Variants in DIP2C observed in about 807,000 individuals in gnomAD.
DIP2C encodes the protein DIP2 acetate--CoA ligase C (putative), also known as disco-interacting protein 2 homolog C.
DIP2C carries 33 observed loss-of-function variants against 192.4 expected under a neutral mutation model. The ratio of observed to expected loss-of-function variants is 0.17; its 90% CI spans 0.13 to 0.23. The LOEUF is 0.23. DIP2C is among the 10% of genes least tolerant of loss of function. The pLI, the probability that DIP2C is intolerant of heterozygous loss-of-function variation, is 1.00. For missense variants in DIP2C, 1,537 were observed against 2,110.1 expected (o/e 0.73, Z 5.32); for synonymous variants, 979 against 864.1 (o/e 1.13, Z -2.33).
At chr10:379,438 C>A (rs1325576626) in intron 17 of DIP2C, among the ~76,000 whole-genome samples, 1 of 152,118 alleles carries the variant, frequency 6.6e-6, no homozygotes, top group South Asian at 2.1e-4. Context: ...TGAAGATACT[C>A]CACAGCCAGT....
intron 1 of DIP2C, among the ~76,000 whole-genome samples, chr10:599,445 A>G (rs1476859914): frequency 6.6e-6 from 1 of 152,192 alleles, no homozygotes; most frequent in Non-Finnish European, 1.5e-5. Context: ...CTGAACCCTT[A>G]CTAGACCAAG....
Position 608,302 on chromosome 10 carries a change from T to TACAC in DIP2C, c.85+81188_85+81191dup, listed in dbSNP as rs1225536547. Among the ~76,000 whole-genome samples, 4 of 12,680 alleles carry TACAC rather than the reference T, an allele frequency of 3.2e-4. 2 individuals are homozygous for TACAC. Among genetic ancestry groups the TACAC allele is most frequent in the South Asian group, 5.9e-3 (2 of 340 alleles). The allele number at this position is 12,680 out of a possible 152,430, so 8.3% of individuals were successfully genotyped here. On this transcript the variant is annotated intron_variant, in intron 1 of 36. Coordinates refer to ENST00000280886, the MANE Select transcript of DIP2C (RefSeq NM_014974.3). The stretch of plus-strand genomic sequence containing the variant: ...TACACACACACACACACACAGCCCC[T>TACAC]ACACACACACACACACACACAGCCC...
At chr10:520,870 TTA>T (rs1846660561) in intron 1 of DIP2C, among the ~76,000 whole-genome samples, 3 of 152,214 alleles carry the variant, frequency 2.0e-5, no homozygotes, top group Admixed American at 6.5e-5. Flanking sequence ...ATATGTGTTT[TTA>T]TATATGTTTT....
At position 356,438 on chromosome 10, in the gene DIP2C, C is replaced by G. The variant is rs779968086; in HGVS notation, c.2973G>C (p.Leu991=). 9 of 1,611,698 alleles carry G rather than the reference C, an allele frequency of 5.6e-6. No homozygotes were observed. Among genetic ancestry groups the G allele is most frequent in the African/African-American group, 1.3e-5 (1 of 75,068 alleles). Reference sequence around the variant, plus strand: ...CTCCGCGCCTCACCCGACAGTTGAGCAGCGTGTAGAGGATGTGGTCCGGGG... The same window carrying G: ...CTCCGCGCCTCACCCGACAGTTGAGGAGCGTGTAGAGGATGTGGTCCGGGG... The part of the protein sequence containing the change: ...QTTPDHILYT[L]LNCRGAIANS... The change falls in exon 24 of 37, where the codon CTG becomes CTC. Residue 991 remains leucine, a synonymous_variant. Coordinates refer to ENST00000280886, the MANE Select transcript of DIP2C (RefSeq NM_014974.3).
intron 1 of DIP2C, among the ~76,000 whole-genome samples, chr10:579,876 C>T (rs117613525): frequency 6.6e-6 from 1 of 151,698 alleles, no homozygotes; most frequent in East Asian, 1.9e-4. Context: ...TACACTATAA[C>T]ACATGTACAT....
At chr10:483,608 G>T (rs1050109743) in intron 2 of DIP2C, among the ~76,000 whole-genome samples, 5 of 152,196 alleles carry the variant, frequency 3.3e-5, no homozygotes, top group African/African-American at 1.2e-4. Flanking sequence ...TTCTGAAATG[G>T]ACCTCGTGGC....
intron 1 of DIP2C, among the ~76,000 whole-genome samples, chr10:607,745 G>A (rs547320361): frequency 1.3e-5 from 2 of 152,214 alleles, no homozygotes; most frequent in South Asian, 4.1e-4. Flanking sequence ...CATCTGTATT[G>A]CGGCTTCTGT....
In DIP2C at chr10:362,552, T is replaced by C; in HGVS notation, c.2732A>G (p.Asn911Ser). The change falls in exon 22 of 37, where the codon AAT becomes AGT. Residue 911 changes from asparagine (N) to serine (S), a missense_variant. Around this residue, in one of 4 missense-constraint regions of DIP2C, gnomAD observed 677 missense variants for 989.9 expected, o/e 0.68. Transcript: ENST00000280886. ...GCAGGTGTGGGGGCACATTAGGACA[T>C]TGCAGGGGTGCAGAGAGCCCTCCAG... ...LFLEGSLHPCNVLMCPHTCVT... is the reference protein window; with the variant it reads ...LFLEGSLHPCSVLMCPHTCVT... The C allele has an allele frequency of 2.5e-6, 4 of 1,614,068 alleles. No homozygotes were observed. Among genetic ancestry groups the C allele is most frequent in the Non-Finnish European group, 3.4e-6 (4 of 1,179,982 alleles).
intron 1 of DIP2C, among the ~76,000 whole-genome samples, chr10:566,937 G>A (rs1169832052): frequency 1.3e-5 from 2 of 152,214 alleles, no homozygotes; most frequent in African/African-American, 2.4e-5. Context: ...AAATGCTGAG[G>A]GAGCCATCTC....
At chr10:577,145 A>C (rs976665951) in intron 1 of DIP2C, among the ~76,000 whole-genome samples, 1 of 152,224 alleles carries the variant, frequency 6.6e-6, no homozygotes, top group African/African-American at 2.4e-5. Context: ...AGTAAGTTCC[A>C]GTATGGCTGC....
At chr10:599,930 T>G (rs1851947564) in intron 1 of DIP2C, among the ~76,000 whole-genome samples, 1 of 152,144 alleles carries the variant, frequency 6.6e-6, no homozygotes, top group Non-Finnish European at 1.5e-5. Flanking sequence ...ATCTCCTGTG[T>G]ACACCTCAAG....
chr10:371,525 A>G (rs1268803521), intron 17 of DIP2C, among the ~76,000 whole-genome samples: 1 of 152,226 alleles, frequency 6.6e-6, no homozygotes, highest in Non-Finnish European at 1.5e-5. Flanking sequence ...GTCCTGACAC[A>G]GGGAGAAGCT....
chr10:385,640 T>C (rs1962829073), intron 14 of DIP2C, among the ~76,000 whole-genome samples: 1 of 152,184 alleles, frequency 6.6e-6, no homozygotes, highest in Admixed American at 6.5e-5. Flanking sequence ...TGGGAAACAC[T>C]GGCTAGTACC....
rs1340908987 is a variant in DIP2C, at chr10:414,725, G to GTA, written c.860-616_860-615insTA. The stretch of plus-strand genomic sequence containing the variant: ...TGTATGTATGTGTGTGTGTGTGTGT[G>GTA]TGTGTGTGTGTGTGTACATATATAT... On this transcript the variant is annotated intron_variant, in intron 7 of 36. Coordinates refer to ENST00000280886, the MANE Select transcript of DIP2C (RefSeq NM_014974.3). 3.6e-3 allele frequency among the ~76,000 whole-genome samples: 249 copies of GTA among 69,726 alleles called. 3 individuals are homozygous for GTA. The highest frequency in any genetic ancestry group is 0.013 in the African/African-American group (230 of 17,870). 45.7% of individuals were successfully genotyped at this position (69,726 alleles called of 152,430 possible).
intron 31 of DIP2C, among the ~76,000 whole-genome samples, chr10:311,733 A>T (rs1376474535): frequency 1.3e-5 from 2 of 152,044 alleles, no homozygotes; most frequent in Non-Finnish European, 2.9e-5. Flanking sequence ...AAATGAAAAG[A>T]AGATCAAAAA....
intron 30 of DIP2C, among the ~76,000 whole-genome samples, chr10:328,522 C>G (rs2132452031): frequency 6.6e-6 from 1 of 152,300 alleles, no homozygotes; most frequent in Non-Finnish European, 1.5e-5. Flanking sequence ...TATGTGCCAA[C>G]AGGAAGGTCA....
chr10:279,575 G>A (rs181117485), intron 36 of DIP2C, among the ~76,000 whole-genome samples: 6 of 152,358 alleles, frequency 3.9e-5, no homozygotes, highest in Admixed American at 2.6e-4. Context: ...GCAACATGGA[G>A]AGTCCCATTC....
chr10:577,206 T>C (rs866529991), intron 1 of DIP2C, among the ~76,000 whole-genome samples: 72 of 152,160 alleles, frequency 4.7e-4, no homozygotes, highest in African/African-American at 1.6e-3. Context: ...CATCCTGACA[T>C]AGCACTGACA....
chr10:370,845 A>T, intron 17 of DIP2C, among the ~76,000 whole-genome samples: 1 of 152,370 alleles, frequency 6.6e-6, no homozygotes, highest in South Asian at 2.1e-4. Context: ...ATAAATGGGG[A>T]AACATAAAAG....
Sources: allele counts gnomAD v4.1 joint callset (sites outside exome capture counted in the v4.1 genomes callset), GRCh38; gene constraint gnomAD v4.1.1; regional missense constraint gnomAD v4.1.1; transcripts MANE v1.5; gene names NCBI Gene and HGNC (gene_info 2026-07-23, HGNC 2026-07-21).